BCAS3: variants seen among roughly 807,000 people sequenced by gnomAD.
BCAS3 encodes BCAS4/BCAS3 fusion.
In BCAS3, 53 loss-of-function variants were observed where a neutral mutation model predicts 116.1. That is an observed-to-expected ratio of 0.46 (90% CI 0.37 to 0.57). The LOEUF is 0.57. Among genes scored for constraint, BCAS3 ranks in the 20% least tolerant of loss-of-function variants. BCAS3 has a pLI of 0.00. For synonymous variants in BCAS3, 391 were observed against 408.2 expected, an observed-to-expected ratio of 0.96 and a Z score of 0.51; for missense variants, 917 against 1,165.4, an observed-to-expected ratio of 0.79 and a Z score of 3.10.
At chr17:60,734,838 T>C (rs1337881502) in intron 5 of BCAS3, among the ~76,000 whole-genome samples, 2 of 152,222 alleles carry the variant, frequency 1.3e-5, no homozygotes, top group Non-Finnish European at 2.9e-5. Flanking sequence ...AACTTTAGAA[T>C]TGATTTGTTG....
chr17:61,110,662 G>C (rs1364755255), intron 22 of BCAS3, among the ~76,000 whole-genome samples: 1 of 152,164 alleles, frequency 6.6e-6, no homozygotes, highest in African/African-American at 2.4e-5. Flanking sequence ...AGCGAGGCTG[G>C]GGGAGGGGCG....
rs376626763 is a variant in BCAS3, at chr17:61,392,034, G to A, written c.2651G>A (p.Gly884Asp). 3 of 1,613,770 alleles carry A rather than the reference G, an allele frequency of 1.9e-6. No homozygotes were observed. The highest frequency in any genetic ancestry group is 2.5e-6 in the Non-Finnish European group (3 of 1,180,010). The change falls in exon 24 of 24, where the codon GGC (glycine) becomes GAC (aspartate). Residue 884 changes from glycine (G) to aspartate (D), a missense_variant. This residue lies in a region of BCAS3 where 109 missense variants were observed against 122.8 expected (regional missense o/e 0.89). Transcript: ENST00000407086. The surrounding 1 kb of genome is among the most constrained non-coding windows in gnomAD (Gnocchi z 6.4). ...TLSNSSGSTS[G>D]SIPRNFDGYR... is the part of the protein sequence containing the mutation. ...AGTAACAGCTCAGGCTCCACCAGCG[G>A]CAGCATACCAAGAAACTTTGATGGC... is the stretch of plus-strand genomic sequence containing the variant.
intron 8 of BCAS3, among the ~76,000 whole-genome samples, chr17:60,868,979 G>A (rs932187242): frequency 6.6e-6 from 1 of 152,154 alleles, no homozygotes; most frequent in Non-Finnish European, 1.5e-5. Context: ...GTTAAGTATG[G>A]TTTTGAGAAA....
chr17:61,235,908 G>A lies in BCAS3; in HGVS notation c.2426-132419G>A, dbSNP rs150511356. On this transcript the variant is annotated intron_variant, in intron 22 of 23. Coordinates refer to ENST00000407086, the MANE Select transcript of BCAS3 (RefSeq NM_017679.5). The surrounding 1 kb of genome is among the most constrained non-coding windows in gnomAD (Gnocchi z 5.0). ...CAGCTCACATGACATACCCAGAGGC[G>A]AATGCTAGCCTGTGCTGTTTTTGAA... 1.1e-4 allele frequency among the ~76,000 whole-genome samples: 17 copies of A among 152,276 alleles called. No individual in the cohort carries two copies. Among genetic ancestry groups the A allele is most frequent in the Non-Finnish European group, 2.1e-4 (14 of 68,018 alleles).
At chr17:61,321,295 C>T (rs938396651) in intron 22 of BCAS3, among the ~76,000 whole-genome samples, 1 of 152,158 alleles carries the variant, frequency 6.6e-6, no homozygotes, top group African/African-American at 2.4e-5. Context: ...AAGGACAGAG[C>T]GTTAGCAAAA....
At chr17:61,121,008 G>A (rs2075761690) in intron 22 of BCAS3, among the ~76,000 whole-genome samples, 1 of 151,720 alleles carries the variant, frequency 6.6e-6, no homozygotes, top group Non-Finnish European at 1.5e-5. Context: ...GTGTCCTTTT[G>A]TTCCTAAAAT....
At chr17:60,731,386 T>C (rs1382454101) in intron 5 of BCAS3, among the ~76,000 whole-genome samples, 1 of 152,160 alleles carries the variant, frequency 6.6e-6, no homozygotes, top group Non-Finnish European at 1.5e-5. Context: ...CTAATTTTTG[T>C]ATTTTTAGTA....
chr17:61,232,035 T>TC lies in BCAS3; in HGVS notation c.2426-136291dup, dbSNP rs552485136. Among the ~76,000 whole-genome samples, 480 of 150,610 alleles carry TC rather than the reference T, an allele frequency of 3.2e-3. 3 individuals are homozygous for TC. Among genetic ancestry groups the TC allele is most frequent in the African/African-American group, 0.011 (454 of 40,972 alleles). ...GCCTGGCCAATACGGTGAAACCCCG[T>TC]CTGTACTAAAAATACAAAAATTAGC... On this transcript the variant is annotated intron_variant, in intron 22 of 23. Transcript: ENST00000407086.
intron 19 of BCAS3, among the ~76,000 whole-genome samples, chr17:61,057,725 A>C (rs1182033844): frequency 1.3e-5 from 2 of 152,028 alleles, no homozygotes; most frequent in Admixed American, 6.5e-5. Flanking sequence ...AATAGTTTGC[A>C]AATAATTCCT....
chr17:60,702,952 A>G (rs2036604135), intron 4 of BCAS3, among the ~76,000 whole-genome samples: 1 of 152,156 alleles, frequency 6.6e-6, no homozygotes, highest in Admixed American at 6.5e-5. Flanking sequence ...AAAACCTTGC[A>G]CATTTTGCTT....
intron 13 of BCAS3, among the ~76,000 whole-genome samples, chr17:60,931,790 T>C (rs1306684217): frequency 2.6e-5 from 4 of 152,108 alleles, no homozygotes; most frequent in Non-Finnish European, 5.9e-5. Context: ...AAATAATACC[T>C]GGCCAGGTGC....
chr17:61,157,786 CTG>C (rs1403064446), intron 22 of BCAS3, among the ~76,000 whole-genome samples: 3 of 152,214 alleles, frequency 2.0e-5, no homozygotes, highest in Admixed American at 6.5e-5. Context: ...CAAACGGACA[CTG>C]TTTCTCCTAA....
At chr17:60,727,185 C>T (rs2039970777) in intron 5 of BCAS3, 1 of 834,950 alleles carries the variant, frequency 1.2e-6, no homozygotes, top group Non-Finnish European at 2.0e-6. Context: ...ATCTCTTGGC[C>T]CTTTCTCTTC....
rs184923764 is a variant in BCAS3, at chr17:60,983,210, G to A, written c.1222-6761G>A. Among the ~76,000 whole-genome samples the A allele has an allele frequency of 2.0e-3, 306 of 152,072 alleles. 1 individual carries two copies. The highest frequency in any genetic ancestry group is 3.4e-3 in the Middle Eastern group (1 of 294). ...TAGAATTAAATCAGTAATGCGACTC[G>A]ACTCCTATCTAGCTCTTCTTTTTGT... is the stretch of plus-strand genomic sequence containing the variant. On this transcript the variant is annotated intron_variant, in intron 14 of 23. Transcript: ENST00000407086.
chr17:61,290,556 T>C (rs947638615), intron 22 of BCAS3, among the ~76,000 whole-genome samples: 3 of 152,192 alleles, frequency 2.0e-5, no homozygotes, highest in African/African-American at 7.2e-5. Context: ...GCTTTTTAAT[T>C]TATACTTTCA....
chr17:60,761,724 A>G lies in BCAS3; in HGVS notation c.403+14445A>G, dbSNP rs2043556637. Among the ~76,000 whole-genome samples, 3 of 151,228 alleles carry G rather than the reference A, an allele frequency of 2.0e-5. No individual in the cohort carries two copies. In the South Asian group the frequency reaches 6.2e-4, roughly 31 times the overall value. On this transcript the variant is annotated intron_variant, in intron 6 of 23. Coordinates refer to ENST00000407086, the MANE Select transcript of BCAS3 (RefSeq NM_017679.5). ...ATAATCCTTTGGGTATATACCCAGT[A>G]ATGGGATTGCTGGGCTAAATGGTAT...
In BCAS3 at chr17:61,208,879, A is replaced by G. The variant is rs1418127864; in HGVS notation, c.2425+124315A>G. 4.9e-4 allele frequency among the ~76,000 whole-genome samples: 2 copies of G among 4,094 alleles called. No individual in the cohort carries two copies. Among genetic ancestry groups the G allele is most frequent in the Non-Finnish European group, 2.6e-3 (1 of 386 alleles). The allele number at this position is 4,094 out of a possible 152,430, so 2.7% of individuals were successfully genotyped here. A position where few individuals can be genotyped will look rare whatever the true frequency, so the allele number is the denominator to read the frequency against. ...GCTAAGAGAAAAGTGCTAAAAAGGA[A>G]AAAAAAAAAAAAAGGAGGGCCTGTA... On this transcript the variant is annotated intron_variant, in intron 22 of 23. Transcript: ENST00000407086. The surrounding 1 kb of genome is among the most constrained non-coding windows in gnomAD (Gnocchi z 4.5).
intron 23 of BCAS3, among the ~76,000 whole-genome samples, chr17:61,374,534 G>GT (rs1204672147): frequency 6.6e-6 from 1 of 152,170 alleles, no homozygotes; most frequent in Non-Finnish European, 1.5e-5. Context: ...TCTGTTCCCC[G>GT]TGACTGTTCC....
intron 14 of BCAS3, 71 bp downstream of exon 14, chr17:60,947,423 A>G: frequency 2.8e-6 from 4 of 1,430,298 alleles, no homozygotes; most frequent in Non-Finnish European, 1.9e-6. Flanking sequence ...GGTCATTTAT[A>G]TTACATTGCA....
Sources: gnomAD v4.1 joint callset for allele counts (sites outside exome capture counted in the v4.1 genomes callset) on GRCh38, gnomAD v4.1.1 for gene constraint, gnomAD v4.1.1 regional missense constraint, Gnocchi (gnomAD v3.1) non-coding constraint, MANE v1.5 for transcripts, NCBI Gene and HGNC (gene_info 2026-07-23, HGNC 2026-07-21) for gene names.